The following C10orf53 variants were observed in gnomAD, a reference collection of about 807,000 sequenced individuals.
C10orf53 encodes the protein UPF0728 protein C10orf53.
Under a neutral mutation model 9.4 loss-of-function variants are expected in C10orf53, and 8 were observed. The observed-to-expected ratio is 0.85, with a 90% CI of 0.50 to 1.53. The LOEUF (loss-of-function observed/expected upper bound fraction) is 1.53. Among genes scored for constraint, C10orf53 ranks in the 40% most tolerant of loss-of-function variants. The probability of loss-of-function intolerance (pLI) is 0.00; values close to 1 mark genes in which losing one functional copy is unlikely to be tolerated. For synonymous variants in C10orf53, 48 were observed against 46.0 expected (o/e 1.04, Z -0.18); for missense variants, 117 against 117.8 (o/e 0.99, Z 0.03).
intron 1 of C10orf53, among the ~76,000 whole-genome samples, chr10:49,686,199 G>A (rs1840526676): frequency 6.6e-6 from 1 of 152,150 alleles, no homozygotes; most frequent in Non-Finnish European, 1.5e-5. Flanking sequence ...TGCAGTCTCT[G>A]AAAATAAATT....
downstream of C10orf53, among the ~76,000 whole-genome samples, chr10:49,702,092 G>T (rs1191866327): frequency 6.6e-6 from 1 of 152,110 alleles, no homozygotes; most frequent in Non-Finnish European, 1.5e-5. Context: ...AGCTACTTGG[G>T]AGGCTGAGGT....
chr10:49,690,769 A>T (rs1326874424), intron 1 of C10orf53, among the ~76,000 whole-genome samples: 1 of 152,172 alleles, frequency 6.6e-6, no homozygotes, highest in African/African-American at 2.4e-5. Flanking sequence ...CGTAGCTGAG[A>T]CACTCTGTGT....
In C10orf53 at chr10:49,679,808, C is replaced by T. The variant is rs1165755517; in HGVS notation, c.97+14C>T. The T allele has an allele frequency of 2.6e-6, 4 of 1,526,796 alleles. No individual in the cohort carries two copies. The South Asian group carries it at 3.7e-5, about 14-fold the overall frequency. 94.6% of individuals were successfully genotyped at this position (1,526,796 alleles called of 1,614,324 possible). On this transcript the variant is annotated intron_variant, in intron 1 of 2. Transcript: ENST00000374111. ...AGGGCCTGCAAGGTGGGCCTCCTCG[C>T]CGCGTGCGCCCCTGAGGGCCCCAGC...
At chr10:49,708,287 T>C in intron 2 of C10orf53, 1 of 1,567,370 alleles carries the variant, frequency 6.4e-7, no homozygotes, top group East Asian at 2.2e-5. Context: ...TGAATATGAG[T>C]GTTCAGTCGA....
downstream of C10orf53, among the ~76,000 whole-genome samples, chr10:49,699,190 CTT>C (rs67695235): frequency 3.2e-4 from 21 of 64,884 alleles, no homozygotes; most frequent in African/African-American, 8.9e-4. Context: ...GTGGCTCAAT[CTT>C]TTTTTTTTTT....
In C10orf53 at chr10:49,693,833, G is replaced by C; in HGVS notation, c.157G>C (p.Val53Leu). 6.2e-7 allele frequency: 1 copy of C among 1,614,104 alleles called. No individual in the cohort carries two copies. ...AGAGAAGATAGAAGACTGGAATGTGGTGGAACTCATGGTGAATGAAGAAGT... is the reference window on the plus strand; with the variant it reads ...AGAGAAGATAGAAGACTGGAATGTGCTGGAACTCATGGTGAATGAAGAAGT... Reference protein sequence around the residue: ...ILEKIEDWNVVELMVNEEVIF... With the variant: ...ILEKIEDWNVLELMVNEEVIF... Residue 53 changes from valine (V) to leucine (L), a missense_variant, in exon 2 of 3, where the codon GTG becomes CTG. Physicochemically the swap from Val to Leu is conservative, Grantham distance 32. Transcript: ENST00000374111.
chr10:49,706,085 G>C (rs980942057), intron 2 of C10orf53, among the ~76,000 whole-genome samples: 6 of 148,032 alleles, frequency 4.1e-5, no homozygotes, highest in Admixed American at 2.7e-4. Context: ...ATGGGTTCTA[G>C]CAAATAGTCA....
At chr10:49,701,313 C>T (rs927748833), downstream of C10orf53, among the ~76,000 whole-genome samples, 4 of 152,224 alleles carry the variant, frequency 2.6e-5, no homozygotes, top group East Asian at 7.7e-4. Flanking sequence ...AGCTAACTGT[C>T]CCTCTGTCAC....
At chr10:49,681,697 G>C (rs1482183956) in intron 1 of C10orf53, among the ~76,000 whole-genome samples, 1 of 152,192 alleles carries the variant, frequency 6.6e-6, no homozygotes, top group Admixed American at 6.5e-5. Context: ...TTCCTGGCTT[G>C]CTGACAGCCA....
downstream of C10orf53, among the ~76,000 whole-genome samples, chr10:49,699,128 A>G (rs1381995934): frequency 6.6e-6 from 1 of 150,732 alleles, no homozygotes; most frequent in African/African-American, 2.4e-5. Flanking sequence ...AAATAGCCCA[A>G]TAATATGTCA....
At chr10:49,681,913 G>A (rs2132873543) in intron 1 of C10orf53, among the ~76,000 whole-genome samples, 1 of 152,184 alleles carries the variant, frequency 6.6e-6, no homozygotes, top group Non-Finnish European at 1.5e-5. Flanking sequence ...GGGGAAGGGG[G>A]GCAACAATTC....
At chr10:49,690,107 C>T (rs548101251) in intron 1 of C10orf53, among the ~76,000 whole-genome samples, 3 of 151,938 alleles carry the variant, frequency 2.0e-5, no homozygotes, top group Admixed American at 6.6e-5. Flanking sequence ...CAGCAAAAAG[C>T]GAAGGCAGCA....
At chr10:49,699,637 G>T (rs1224971304), downstream of C10orf53, among the ~76,000 whole-genome samples, 2 of 152,210 alleles carry the variant, frequency 1.3e-5, no homozygotes, top group East Asian at 1.9e-4. Context: ...TTACACCTTT[G>T]GTCTGAGAGT....
At chr10:49,690,014 G>A (rs768326799) in intron 1 of C10orf53, among the ~76,000 whole-genome samples, 8 of 152,186 alleles carry the variant, frequency 5.3e-5, no homozygotes, top group African/African-American at 1.4e-4. Context: ...TTGAATGTGC[G>A]ATGGTTTCCT....
At chr10:49,694,387 C>T in intron 2 of C10orf53, 151 bp from the exon 3 acceptor site, 2 of 1,081,646 alleles carry the variant, frequency 1.8e-6, no homozygotes, top group Admixed American at 2.5e-5. Context: ...TAAAGCTTTG[C>T]AATCCACTAA....
rs1049349268 is a variant in C10orf53, at chr10:49,696,467, G to T, written c.*1865G>T. Among the ~76,000 whole-genome samples, 1 of 152,186 alleles carries T rather than the reference G, an allele frequency of 6.6e-6. No homozygotes were observed. Among genetic ancestry groups the T allele is most frequent in the African/African-American group, 2.4e-5 (1 of 41,440 alleles). ...CCCCGGCATTAAACTGGTAACAAGT[G>T]CTTCCCTCGGCAGCCCCATGCCCTC... is the stretch of plus-strand genomic sequence containing the variant. On this transcript the variant is annotated 3_prime_UTR_variant, in exon 3 of 3. Coordinates refer to ENST00000374111, the MANE Select transcript of C10orf53 (RefSeq NM_001042427.3).
rs1840620218 is a variant in C10orf53, at chr10:49,694,869, G to C, written c.*267G>C. Reference sequence around the variant, plus strand: ...AGCCCTCCAATATCAGGTACACATTGAGCTGAAGGAAACAATAAAATGCAA... The same window carrying C: ...AGCCCTCCAATATCAGGTACACATTCAGCTGAAGGAAACAATAAAATGCAA... On this transcript the variant is annotated 3_prime_UTR_variant, in exon 3 of 3. Transcript: ENST00000374111. The C allele has an allele frequency of 8.0e-7, 1 of 1,253,830 alleles. No individual in the cohort carries two copies. The highest frequency in any genetic ancestry group is 1.5e-5 in the African/African-American group (1 of 66,276). 77.7% of individuals were successfully genotyped at this position (1,253,830 alleles called of 1,614,324 possible).
chr10:49,682,258 CCTCT>C (rs1223172293), intron 1 of C10orf53, among the ~76,000 whole-genome samples: 14 of 152,184 alleles, frequency 9.2e-5, no homozygotes, highest in Admixed American at 7.9e-4. Flanking sequence ...ACACCCTATC[CCTCT>C]GTGTCCAGAA....
At position 49,679,702 on chromosome 10, in the gene C10orf53, C is replaced by G. The variant is rs547143816; in HGVS notation, c.5C>G (p.Pro2Arg). 6.5e-7 allele frequency: 1 copy of G among 1,546,490 alleles called. No homozygotes were observed. Among genetic ancestry groups the G allele is most frequent in the South Asian group, 1.2e-5 (1 of 83,542 alleles). Residue 2 changes from proline to arginine, a missense_variant, in exon 1 of 3, where the codon CCC becomes CGC. Physicochemically the swap from Pro to Arg is moderately radical, Grantham distance 103. Coordinates refer to ENST00000374111, the MANE Select transcript of C10orf53 (RefSeq NM_001042427.3). ...TGCGGCGGCGGAGGCCTGGCGATGC[C>G]CAAGAACGCAGTGGTCATCCTGCGC... M[P>R]KNAVVILRYG...
Sources: gnomAD v4.1 joint callset for allele counts (sites outside exome capture counted in the v4.1 genomes callset) on GRCh38, gnomAD v4.1.1 for gene constraint, MANE v1.5 for transcripts, NCBI Gene and HGNC (gene_info 2026-07-23, HGNC 2026-07-21) for gene names.